Variants in CRYL1 observed in about 807,000 individuals in gnomAD.
CRYL1 encodes the protein crystallin lambda 1.
In CRYL1, 29 loss-of-function variants were observed where a neutral mutation model predicts 36.6. That is an observed-to-expected ratio of 0.79 (90% CI 0.59 to 1.08). The LOEUF (loss-of-function observed/expected upper bound fraction) is 1.08, where lower values mean the gene tolerates loss of function less well. Ranked by LOEUF, CRYL1 falls within the 50% of genes least tolerant of loss-of-function variation. The pLI, the probability that CRYL1 is intolerant of heterozygous loss-of-function variation, is 0.00. For missense variants in CRYL1, 411 were observed against 407.9 expected (o/e 1.01, Z -0.06); for synonymous variants, 152 against 151.5 (o/e 1.00, Z -0.02).
At chr13:20,517,451 T>A (rs1373635274) in intron 1 of CRYL1, among the ~76,000 whole-genome samples, 1 of 151,626 alleles carries the variant, frequency 6.6e-6, no homozygotes, top group Non-Finnish European at 1.5e-5. Flanking sequence ...AAAAATTAGC[T>A]GGGAGTGGTG....
rs1281906115 is a variant in CRYL1, at chr13:20,489,500, G to C, written c.150-4C>G. ...CTCCAGCAACTTCATCTCCTTTCTG[G>C]AAAGGCAGAGAGAAGGATCACTGTG... On this transcript the variant is annotated splice_polypyrimidine_tract_variant and splice_region_variant and intron_variant, in intron 2 of 7. Transcript: ENST00000298248. The C allele has an allele frequency of 6.2e-7, 1 of 1,612,414 alleles. No individual in the cohort carries two copies. Among genetic ancestry groups the C allele is most frequent in the Non-Finnish European group, 8.5e-7 (1 of 1,179,988 alleles).
At chr13:20,441,943 TCA>T (rs1421017568) in intron 3 of CRYL1, among the ~76,000 whole-genome samples, 3 of 151,822 alleles carry the variant, frequency 2.0e-5, no homozygotes, top group Non-Finnish European at 4.4e-5. Flanking sequence ...AAAAAAAAAA[TCA>T]GTCATTTAAG....
At chr13:20,488,871 A>G (rs2033451840) in intron 3 of CRYL1, among the ~76,000 whole-genome samples, 1 of 152,222 alleles carries the variant, frequency 6.6e-6, no homozygotes, top group South Asian at 2.1e-4. Context: ...TCACCTCTCC[A>G]GGCTCATCCC....
Position 20,439,737 on chromosome 13 carries a change from A to T in CRYL1, c.294T>A (p.Asp98Glu). 1 of 1,614,092 alleles carries T rather than the reference A, an allele frequency of 6.2e-7. No individual in the cohort carries two copies. The highest frequency in any genetic ancestry group is 8.5e-7 in the Non-Finnish European group (1 of 1,179,964). The change falls in exon 4 of 8, where the codon GAT (aspartate) becomes GAA (glutamate). Residue 98 changes from aspartate (D) to glutamate (E), a missense_variant. Coordinates refer to ENST00000298248, the MANE Select transcript of CRYL1 (RefSeq NM_015974.3). Reference sequence around the variant, plus strand: ...CAAAAATCTTCTTCTTCAGTTCTAGATCTTCTGGAACACATTCCTGAAAAG... The same window carrying T: ...CAAAAATCTTCTTCTTCAGTTCTAGTTCTTCTGGAACACATTCCTGAAAAG... Reference protein sequence around the residue: ...AMHIQECVPEDLELKKKIFAQ... With the variant: ...AMHIQECVPEELELKKKIFAQ...
intron 2 of CRYL1, among the ~76,000 whole-genome samples, chr13:20,493,064 G>C (rs1247329381): frequency 2.0e-5 from 3 of 152,200 alleles, no homozygotes; most frequent in Admixed American, 2.0e-4. Flanking sequence ...TTCTGTCAGA[G>C]ATCTCCAATT....
At chr13:20,499,480 C>A (rs2033667088) in intron 2 of CRYL1, among the ~76,000 whole-genome samples, 1 of 122,404 alleles carries the variant, frequency 8.2e-6, no homozygotes, top group African/African-American at 2.7e-5. Context: ...AACCCCATCT[C>A]TACTAAAAAA....
At chr13:20,472,783 C>G (rs923502037) in intron 3 of CRYL1, among the ~76,000 whole-genome samples, 2 of 152,230 alleles carry the variant, frequency 1.3e-5, no homozygotes, top group Admixed American at 1.3e-4. Flanking sequence ...CCTTCTGCAT[C>G]TCCCAGGTCC....
chr13:20,500,930 T>A lies in CRYL1; in HGVS notation c.150-11434A>T, dbSNP rs749943384. Among the ~76,000 whole-genome samples, 10 of 152,192 alleles carry A rather than the reference T, an allele frequency of 6.6e-5. 1 individual carries two copies. Among genetic ancestry groups the A allele is most frequent in the African/African-American group, 9.7e-5 (4 of 41,442 alleles). On this transcript the variant is annotated intron_variant, in intron 2 of 7. Transcript: ENST00000298248. ...TTCAGGCATCTCAAAAAAAAAAGTG[T>A]TGAAGAACTGAAACTTACCAGATCA...
chr13:20,405,186 G>A (rs1189301619), intron 6 of CRYL1, among the ~76,000 whole-genome samples: 6 of 151,952 alleles, frequency 3.9e-5, no homozygotes, highest in South Asian at 2.1e-4. Context: ...CAGAAGAATC[G>A]CTTGAACCCG....
intron 2 of CRYL1, among the ~76,000 whole-genome samples, chr13:20,497,828 CCATA>C (rs894588673): frequency 1.3e-5 from 2 of 151,180 alleles, no homozygotes; most frequent in African/African-American, 4.9e-5. Context: ...ACACACACCA[CCATA>C]CATACACCAC....
chr13:20,450,308 T>C (rs1286580058), intron 3 of CRYL1, among the ~76,000 whole-genome samples: 1 of 152,172 alleles, frequency 6.6e-6, no homozygotes, highest in South Asian at 2.1e-4. Flanking sequence ...GATTGGATCA[T>C]CAACAAAGTC....
At chr13:20,464,508 T>C (rs17305480) in intron 3 of CRYL1, among the ~76,000 whole-genome samples, 43,095 of 152,072 alleles carry the variant, frequency 0.28, 6,607 homozygotes, top group Middle Eastern at 0.38. Flanking sequence ...AGGAGACCCA[T>C]CAAATTTGTG....
chr13:20,494,458 A>G (rs1010957030), intron 2 of CRYL1, among the ~76,000 whole-genome samples: 12 of 152,210 alleles, frequency 7.9e-5, no homozygotes, highest in African/African-American at 2.9e-4. Flanking sequence ...TAGCGCCATC[A>G]TCCCAGCCTC....
At chr13:20,510,931 A>AT (rs2033904172) in intron 2 of CRYL1, among the ~76,000 whole-genome samples, 2 of 152,194 alleles carry the variant, frequency 1.3e-5, no homozygotes, top group South Asian at 4.1e-4. Context: ...CTGTGTCTAC[A>AT]TTATCCACTA....
intron 4 of CRYL1, among the ~76,000 whole-genome samples, chr13:20,437,376 C>T (rs1245281281): frequency 1.0e-4 from 15 of 150,130 alleles, no homozygotes; most frequent in Non-Finnish European, 2.2e-4. Flanking sequence ...GGCGCGATCT[C>T]GGCTCACTGC....
At chr13:20,511,604 G>A (rs1188728265) in intron 2 of CRYL1, among the ~76,000 whole-genome samples, 1 of 152,090 alleles carries the variant, frequency 6.6e-6, no homozygotes, top group Non-Finnish European at 1.5e-5. Flanking sequence ...TATTTTTGTT[G>A]CACAAAAATG....
chr13:20,523,092 T>C (rs1430579813), intron 1 of CRYL1, among the ~76,000 whole-genome samples: 3 of 152,060 alleles, frequency 2.0e-5, no homozygotes, highest in Middle Eastern at 6.8e-3. Flanking sequence ...AATTTTTGTA[T>C]TTTTAGTAGA....
chr13:20,444,492 A>C (rs2032414823), intron 3 of CRYL1, among the ~76,000 whole-genome samples: 1 of 152,202 alleles, frequency 6.6e-6, no homozygotes, highest in South Asian at 2.1e-4. Flanking sequence ...CAGAGAACCC[A>C]GAGGGGGCCA....
chr13:20,522,911 C>CTTTTTTTTTTTTTT lies in CRYL1; in HGVS notation c.41+2829_41+2842dup, dbSNP rs386378385. On this transcript the variant is annotated intron_variant, in intron 1 of 7. Coordinates refer to ENST00000298248, the MANE Select transcript of CRYL1 (RefSeq NM_015974.3). ...TTTATCTTCATGATACCCATTTCTA[C>CTTTTTTTTTTTTTT]TTTTTTTTTTTTTTTTTTTTTTTTG... 1.2e-4 allele frequency among the ~76,000 whole-genome samples: 10 copies of CTTTTTTTTTTTTTT among 82,960 alleles called. 1 individual carries two copies. The highest frequency in any genetic ancestry group is 1.5e-4 in the Non-Finnish European group (7 of 46,648). The allele number at this position is 82,960 out of a possible 152,430, so 54.4% of individuals were successfully genotyped here. A position where few individuals can be genotyped will look rare whatever the true frequency, so the allele number is the denominator to read the frequency against.
Sources: gnomAD v4.1 joint callset for allele counts (sites outside exome capture counted in the v4.1 genomes callset) on GRCh38, gnomAD v4.1.1 for gene constraint, MANE v1.5 for transcripts, NCBI Gene and HGNC (gene_info 2026-07-23, HGNC 2026-07-21) for gene names.